Variants in CLIP1 observed in about 807,000 individuals in gnomAD.
The protein encoded by CLIP1 is CAP-Gly domain-containing linker protein 1.
CLIP1 carries 66 observed loss-of-function variants against 161.6 expected under a neutral mutation model. That is an observed-to-expected ratio of 0.41 (90% CI 0.33 to 0.50). CLIP1 has a LOEUF of 0.50. Among genes scored for constraint, CLIP1 ranks in the 20% least tolerant of loss-of-function variants. The pLI is 0.27. For missense variants in CLIP1, 1,376 were observed against 1,702.0 expected, an observed-to-expected ratio of 0.81 and a Z score of 3.37; for synonymous variants, 598 against 626.2, an observed-to-expected ratio of 0.96 and a Z score of 0.67.
At chr12:122,332,961 GCAC>G in intron 15 of CLIP1, 23 bp downstream of exon 15, 3 of 1,598,618 alleles carry the variant, frequency 1.9e-6, no homozygotes, top group Non-Finnish European at 2.6e-6. Context: ...CCTAAGGTCA[GCAC>G]TCTTTTCAAC....
intron 1 of CLIP1, among the ~76,000 whole-genome samples, chr12:122,402,297 G>A (rs1160813187): frequency 6.6e-6 from 1 of 152,172 alleles, no homozygotes; most frequent in Non-Finnish European, 1.5e-5. Context: ...AGACAAGCCT[G>A]AGCAACATAG....
chr12:122,402,253 C>T (rs1047499916), intron 1 of CLIP1, among the ~76,000 whole-genome samples: 6 of 151,958 alleles, frequency 3.9e-5, no homozygotes, highest in African/African-American at 1.5e-4. Context: ...TCATGCCTGC[C>T]CAAGTGGAAG....
chr12:122,285,619 G>GCTCA (rs1955818347), intron 21 of CLIP1, among the ~76,000 whole-genome samples: 1 of 149,658 alleles, frequency 6.7e-6, no homozygotes, highest in African/African-American at 2.5e-5. Context: ...GATTACAGGC[G>GCTCA]TGAGCCACCG....
intron 1 of CLIP1, among the ~76,000 whole-genome samples, chr12:122,414,262 C>T (rs1241527869): frequency 6.6e-6 from 1 of 151,992 alleles, no homozygotes; most frequent in Non-Finnish European, 1.5e-5. Flanking sequence ...ATCCTCCTGC[C>T]TCAGCCTCCC....
At chr12:122,404,132 C>T (rs1956235924) in intron 1 of CLIP1, among the ~76,000 whole-genome samples, 1 of 152,150 alleles carries the variant, frequency 6.6e-6, no homozygotes, top group African/African-American at 2.4e-5. Flanking sequence ...AAAGCTTGGC[C>T]CTGAACACAG....
At chr12:122,387,970 C>T (rs1955399366) in intron 1 of CLIP1, among the ~76,000 whole-genome samples, 1 of 152,078 alleles carries the variant, frequency 6.6e-6, no homozygotes, top group South Asian at 2.1e-4. Context: ...CTATAACATA[C>T]ATAAACAAAA....
At chr12:122,414,863 C>T (rs1956673419) in intron 1 of CLIP1, among the ~76,000 whole-genome samples, 1 of 151,938 alleles carries the variant, frequency 6.6e-6, no homozygotes, top group South Asian at 2.1e-4. Context: ...TTGAGTTCCG[C>T]CTATATGGGA....
rs147355024 is a variant in CLIP1 at position 122,416,815 on chromosome 12, G to A, written c.-107+5706C>T. Among the ~76,000 whole-genome samples the A allele has an allele frequency of 3.3e-5, 5 of 151,978 alleles. No individual in the cohort carries two copies. The East Asian group carries it at 9.7e-4, about 29-fold the overall frequency. ...CTTGGGAGGCTGAGGCAGAAGAATT[G>A]CTTGAACCCAGGAGGCAGAGGTTGC... On this transcript the variant is annotated intron_variant, in intron 1 of 25. Coordinates refer to ENST00000620786, the MANE Select transcript of CLIP1 (RefSeq NM_001247997.2).
intron 1 of CLIP1, among the ~76,000 whole-genome samples, chr12:122,397,288 C>T (rs987194602): frequency 6.7e-6 from 1 of 148,564 alleles, no homozygotes; most frequent in African/African-American, 2.4e-5. Flanking sequence ...AAAGCATGTA[C>T]TGAAGACAAC....
rs1268421104 is a variant in CLIP1 at position 122,328,003 on chromosome 12, TCTC to T, written c.3190_3192del (p.Glu1064del). The T allele has an allele frequency of 6.2e-7, 1 of 1,614,158 alleles. No homozygotes were observed. The highest frequency in any genetic ancestry group is 1.1e-5 in the South Asian group (1 of 91,082). ...TCCAGCTCCTGCAGCAAGCCACTGT[TCTC>T]CTCCCGTGCGCCCTTCAGCTTGTCC... On this transcript the variant is annotated inframe_deletion, in exon 17 of 26. Coordinates refer to ENST00000620786, the MANE Select transcript of CLIP1 (RefSeq NM_001247997.2).
chr12:122,318,426 G>A (rs577157032), intron 18 of CLIP1, among the ~76,000 whole-genome samples: 132 of 152,184 alleles, frequency 8.7e-4, no homozygotes, highest in Middle Eastern at 3.4e-3. Context: ...CCAGCTACTC[G>A]GGAGGCTGAG....
At position 122,364,089 on chromosome 12, in the gene CLIP1, C is replaced by T. The variant is rs779820660; in HGVS notation, c.676G>A (p.Gly226Ser). 6.2e-7 allele frequency: 1 copy of T among 1,614,068 alleles called. No homozygotes were observed. The highest frequency in any genetic ancestry group is 8.5e-7 in the Non-Finnish European group (1 of 1,180,038). The change falls in exon 4 of 26, where the codon GGT becomes AGT. Residue 226 changes from glycine to serine, a missense_variant. Gly to Ser is a moderately conservative substitution (Grantham distance 56). Around this residue, in one of 6 missense-constraint regions of CLIP1, gnomAD observed 211 missense variants for 295.1 expected, o/e 0.72. Transcript: ENST00000620786. ...GTCTCCCCAAGAAACCGGACTACAC[C>T]AGCCTTAGTGCCACCAACCTGGAAG... ...DRVLVGGTKA[G>S]VVRFLGETDF...
intron 1 of CLIP1, among the ~76,000 whole-genome samples, chr12:122,398,953 A>AAC: frequency 6.6e-6 from 1 of 151,258 alleles, no homozygotes; most frequent in Admixed American, 6.6e-5. Flanking sequence ...AAAAAAAAAA[A>AAC]AAAAAAACCT....
intron 1 of CLIP1, among the ~76,000 whole-genome samples, chr12:122,412,565 G>C (rs1186001153): frequency 6.6e-6 from 1 of 151,826 alleles, no homozygotes; most frequent in Admixed American, 6.6e-5. Flanking sequence ...TGAGGCAGGA[G>C]AATCATTTGA....
chr12:122,319,365 A>T lies in CLIP1; in HGVS notation c.3250-17T>A. ...TTGAGCAGCCTAAATACAAGGAAAC[A>T]CTGTGAGAAATGAGGACAGCCCTCG... is the stretch of plus-strand genomic sequence containing the variant. On this transcript the variant is annotated splice_polypyrimidine_tract_variant and intron_variant, in intron 17 of 25. Coordinates refer to ENST00000620786, the MANE Select transcript of CLIP1 (RefSeq NM_001247997.2). 1 of 1,589,240 alleles carries T rather than the reference A, an allele frequency of 6.3e-7. No individual in the cohort carries two copies. Among genetic ancestry groups the T allele is most frequent in the Non-Finnish European group, 8.6e-7 (1 of 1,157,588 alleles).
Position 122,287,890 on chromosome 12 carries a change from T to C in CLIP1, c.3647+599A>G, listed in dbSNP as rs116284073. Among the ~76,000 whole-genome samples, 356 of 152,306 alleles carry C rather than the reference T, an allele frequency of 2.3e-3. 1 individual carries two copies. Among genetic ancestry groups the C allele is most frequent in the African/African-American group, 8.1e-3 (337 of 41,572 alleles). ...AATAACTGTATGTAAGATTCTAGTA[T>C]GTTTAGTTACTGAAACTAGGAGGTA... On this transcript the variant is annotated intron_variant, in intron 21 of 25. Transcript: ENST00000620786.
chr12:122,410,591 T>C (rs1281694077), intron 1 of CLIP1, among the ~76,000 whole-genome samples: 1 of 151,714 alleles, frequency 6.6e-6, no homozygotes, highest in Non-Finnish European at 1.5e-5. Context: ...CCCGAGTAGC[T>C]GGGATTACAG....
chr12:122,376,614 A>C (rs1954747721), intron 3 of CLIP1, among the ~76,000 whole-genome samples: 1 of 150,732 alleles, frequency 6.6e-6, no homozygotes, highest in African/African-American at 2.5e-5. Flanking sequence ...CTACAGGCGC[A>C]TGCCACCATG....
chr12:122,420,949 T>G (rs1300496021), intron 1 of CLIP1, among the ~76,000 whole-genome samples: 1 of 151,354 alleles, frequency 6.6e-6, no homozygotes, highest in African/African-American at 2.4e-5. Context: ...ATTGATTGAT[T>G]GATTGATGGA....
Sources: gnomAD v4.1 joint callset for allele counts (sites outside exome capture counted in the v4.1 genomes callset) on GRCh38, gnomAD v4.1.1 for gene constraint, gnomAD v4.1.1 regional missense constraint, MANE v1.5 for transcripts, NCBI Gene and HGNC (gene_info 2026-07-23, HGNC 2026-07-21) for gene names.